NBEA: variants seen among roughly 807,000 people sequenced by gnomAD.
NBEA encodes neurobeachin, also known as lysosomal-trafficking regulator 2.
NBEA carries 44 observed loss-of-function variants against 343.4 expected under a neutral mutation model. The ratio of observed to expected loss-of-function variants is 0.13; its 90% CI spans 0.10 to 0.16. The LOEUF (loss-of-function observed/expected upper bound fraction) is 0.16. Among genes scored for constraint, NBEA ranks in the 10% least tolerant of loss-of-function variants. NBEA has a pLI of 1.00. For missense variants in NBEA, 2,555 were observed against 3,631.3 expected (o/e 0.70, Z 7.62); for synonymous variants, 1,175 against 1,238.7 (o/e 0.95, Z 1.08).
At chr13:35,360,981 C>T (rs2040775095) in intron 38 of NBEA, among the ~76,000 whole-genome samples, 1 of 151,828 alleles carries the variant, frequency 6.6e-6, no homozygotes, top group Admixed American at 6.6e-5. Context: ...TGGAAGATGT[C>T]AAGTTAGAGA....
intron 38 of NBEA, among the ~76,000 whole-genome samples, chr13:35,386,331 C>T (rs959359975): frequency 2.0e-5 from 3 of 152,048 alleles, no homozygotes; most frequent in East Asian, 3.9e-4. Context: ...AATTTTCATC[C>T]GTACATTTGT....
At chr13:35,454,583 AGGAGT>A (rs891535761) in intron 40 of NBEA, among the ~76,000 whole-genome samples, 9 of 152,104 alleles carry the variant, frequency 5.9e-5, no homozygotes, top group South Asian at 2.1e-4. Flanking sequence ...AACCCAGGCC[AGGAGT>A]GGTTGCTCAC....
intron 1 of NBEA, among the ~76,000 whole-genome samples, chr13:34,969,348 G>A (rs73490351): frequency 0.016 from 2,407 of 150,590 alleles, 65 homozygotes; most frequent in African/African-American, 0.05. Context: ...TTTGGTTTCC[G>A]TTTTTTCTTT....
chr13:35,018,442 T>C (rs1326055246), intron 1 of NBEA, among the ~76,000 whole-genome samples: 2 of 152,180 alleles, frequency 1.3e-5, no homozygotes, highest in Non-Finnish European at 2.9e-5. Context: ...TAGTTTTGAG[T>C]ATACACTTTA....
At chr13:35,496,813 G>T (rs1473217310) in intron 41 of NBEA, among the ~76,000 whole-genome samples, 2 of 151,880 alleles carry the variant, frequency 1.3e-5, no homozygotes, top group Admixed American at 6.6e-5. Context: ...ACCGCTCCCA[G>T]GACTGGAGCT....
At chr13:35,037,479 G>A (rs2062487663) in intron 1 of NBEA, among the ~76,000 whole-genome samples, 1 of 152,096 alleles carries the variant, frequency 6.6e-6, no homozygotes, top group Non-Finnish European at 1.5e-5. Flanking sequence ...CGGTGCCTGG[G>A]CATTGAAGAG....
At chr13:35,173,360 G>A (rs1275625283) in intron 26 of NBEA, 104 bp from the exon 27 acceptor site, 1 of 1,026,834 alleles carries the variant, frequency 9.7e-7, no homozygotes, top group African/African-American at 1.6e-5. Context: ...AATAGTTTAT[G>A]AAGCAAGGGG....
At chr13:35,084,433 C>T (rs555718586) in intron 10 of NBEA, among the ~76,000 whole-genome samples, 1 of 152,290 alleles carries the variant, frequency 6.6e-6, no homozygotes, top group South Asian at 2.1e-4. Flanking sequence ...GAAACTCACT[C>T]AAAACCGCTC....
chr13:35,190,237 G>A (rs1228473179), intron 30 of NBEA, among the ~76,000 whole-genome samples: 3 of 152,002 alleles, frequency 2.0e-5, no homozygotes, highest in Non-Finnish European at 4.4e-5. Context: ...CTTTAATGTT[G>A]CAACTGCTCG....
At chr13:35,631,937 T>C (rs180680508) in intron 49 of NBEA, among the ~76,000 whole-genome samples, 1 of 152,338 alleles carries the variant, frequency 6.6e-6, no homozygotes, top group East Asian at 1.9e-4. Flanking sequence ...AAAGCAGTAA[T>C]TGATAATAAA....
At chr13:35,657,581 T>G (rs190925121) in intron 55 of NBEA, among the ~76,000 whole-genome samples, 29 of 152,360 alleles carry the variant, frequency 1.9e-4, no homozygotes, top group African/African-American at 7.0e-4. Context: ...CAGCGATGGC[T>G]TTATTATTCT....
chr13:35,484,885 G>A (rs376533476), intron 41 of NBEA, among the ~76,000 whole-genome samples: 2 of 152,096 alleles, frequency 1.3e-5, no homozygotes, highest in Admixed American at 6.6e-5. Flanking sequence ...TAGAGGGGTG[G>A]TAGTATTCTA....
chr13:34,982,581 G>A (rs1485303795), intron 1 of NBEA, among the ~76,000 whole-genome samples: 1 of 152,136 alleles, frequency 6.6e-6, no homozygotes, highest in African/African-American at 2.4e-5. Context: ...GAGTACAGGT[G>A]TGAGCCACCA....
chr13:35,274,432 C>G (rs147026447), intron 34 of NBEA, among the ~76,000 whole-genome samples: 3,548 of 152,248 alleles, frequency 0.023, 92 homozygotes, highest in African/African-American at 0.064. Context: ...AAACTGGAAG[C>G]ATTCCCTTTG....
chr13:35,113,109 C>T (rs753872315), intron 13 of NBEA, among the ~76,000 whole-genome samples: 1 of 152,018 alleles, frequency 6.6e-6, no homozygotes, highest in Non-Finnish European at 1.5e-5. Context: ...TTAGTATTTC[C>T]TTGTCTTTCA....
intron 38 of NBEA, among the ~76,000 whole-genome samples, chr13:35,374,253 G>T (rs753358311): frequency 2.0e-5 from 3 of 152,136 alleles, no homozygotes; most frequent in African/African-American, 2.4e-5. Flanking sequence ...GAAACAAGGC[G>T]AACAGCTGGT....
chr13:35,073,868 G>A (rs1197181685), intron 10 of NBEA, among the ~76,000 whole-genome samples: 1 of 152,146 alleles, frequency 6.6e-6, no homozygotes, highest in African/African-American at 2.4e-5. Flanking sequence ...CTTGAGCCCA[G>A]GAGGTGGAGG....
intron 40 of NBEA, among the ~76,000 whole-genome samples, chr13:35,464,657 C>A (rs758095170): frequency 1.3e-5 from 2 of 152,130 alleles, no homozygotes; most frequent in Non-Finnish European, 2.9e-5. Context: ...ATTACTCCAA[C>A]CCAGAGTCTC....
chr13:35,655,215 A>G (rs1283660685), intron 54 of NBEA, among the ~76,000 whole-genome samples: 1 of 152,236 alleles, frequency 6.6e-6, no homozygotes, highest in Non-Finnish European at 1.5e-5. Context: ...CAGAATTCAT[A>G]GGACAAATGG....
Sources: gnomAD v4.1 joint callset for allele counts (sites outside exome capture counted in the v4.1 genomes callset) on GRCh38, gnomAD v4.1.1 for gene constraint, MANE v1.5 for transcripts, NCBI Gene and HGNC (gene_info 2026-07-23, HGNC 2026-07-21) for gene names.